The following DGKB variants were observed in gnomAD, a reference collection of about 807,000 sequenced individuals.
The protein encoded by DGKB is 90 kDa diacylglycerol kinase.
Under a neutral mutation model 114.3 loss-of-function variants are expected in DGKB, and 67 were observed. The observed-to-expected ratio is 0.59, with a 90% CI of 0.48 to 0.72. DGKB has a LOEUF of 0.72. Ranked by LOEUF, DGKB falls within the 30% of genes least tolerant of loss-of-function variation. The pLI is 0.00. For synonymous variants in DGKB, 398 were observed against 323.1 expected, an observed-to-expected ratio of 1.23 and a Z score of -2.49; for missense variants, 907 against 975.2, an observed-to-expected ratio of 0.93 and a Z score of 0.93.
At chr7:14,888,744 T>C (rs979797747) in intron 1 of DGKB, among the ~76,000 whole-genome samples, 15 of 151,690 alleles carry the variant, frequency 9.9e-5, no homozygotes. Flanking sequence ...TATCTGAAAA[T>C]TGTCAGGGTA....
chr7:14,880,497 G>A (rs1466231651), intron 1 of DGKB, among the ~76,000 whole-genome samples: 1 of 152,074 alleles, frequency 6.6e-6, no homozygotes, highest in Non-Finnish European at 1.5e-5. Context: ...GTTGCATATT[G>A]TTTCTAGATG....
At chr7:14,338,427 A>G (rs1280986007) in intron 23 of DGKB, 88 bp downstream of exon 23, 2 of 718,394 alleles carry the variant, frequency 2.8e-6, no homozygotes, top group Non-Finnish European at 4.4e-6. Context: ...ATAAATTATT[A>G]TAGTGCAACG....
intron 23 of DGKB, among the ~76,000 whole-genome samples, chr7:14,309,373 T>C (rs1804997963): frequency 6.6e-6 from 1 of 152,068 alleles, no homozygotes; most frequent in Admixed American, 6.6e-5. Flanking sequence ...AATCACTAAT[T>C]AAAAGCAAAA....
intron 9 of DGKB, among the ~76,000 whole-genome samples, chr7:14,690,286 G>T (rs148644574): frequency 6.6e-6 from 1 of 152,068 alleles, no homozygotes; most frequent in Non-Finnish European, 1.5e-5. Context: ...TCGTTTTTCC[G>T]GAGACAGCAA....
chr7:14,255,596 C>G (rs1194589014), intron 23 of DGKB, among the ~76,000 whole-genome samples: 1 of 152,102 alleles, frequency 6.6e-6, no homozygotes, highest in African/African-American at 2.4e-5. Context: ...AAATAATGCC[C>G]TTGCTAAAGA....
chr7:14,324,580 G>C lies in DGKB; in HGVS notation c.2122+13935C>G, dbSNP rs537675816. Among the ~76,000 whole-genome samples the C allele has an allele frequency of 2.0e-4, 31 of 152,046 alleles. No homozygotes were observed. In the East Asian group the frequency reaches 2.7e-3, roughly 13 times the overall value. On this transcript the variant is annotated intron_variant, in intron 23 of 25. Coordinates refer to ENST00000402815, the MANE Select transcript of DGKB (RefSeq NM_001350709.2). ...ATAATTACCTAGGATTGTCCATGAAGAATGAGCAATGTCATTTGCGGTGAT... is the reference window on the plus strand; with the variant it reads ...ATAATTACCTAGGATTGTCCATGAACAATGAGCAATGTCATTTGCGGTGAT...
At chr7:14,173,698 G>T (rs1781336132) in intron 25 of DGKB, among the ~76,000 whole-genome samples, 1 of 152,094 alleles carries the variant, frequency 6.6e-6, no homozygotes, top group Admixed American at 6.6e-5. Flanking sequence ...CCATACCAAT[G>T]CTATGAATAC....
At chr7:14,485,063 G>GA (rs904329915) in intron 20 of DGKB, among the ~76,000 whole-genome samples, 4 of 148,996 alleles carry the variant, frequency 2.7e-5, no homozygotes, top group African/African-American at 9.9e-5. Flanking sequence ...GTCCTATGGG[G>GA]AAAAATGATA....
At position 14,288,095 on chromosome 7, in the gene DGKB, C is replaced by T. The variant is rs577482541; in HGVS notation, c.2122+50420G>A. On this transcript the variant is annotated intron_variant, in intron 23 of 25. Coordinates refer to ENST00000402815, the MANE Select transcript of DGKB (RefSeq NM_001350709.2). The stretch of plus-strand genomic sequence containing the variant: ...ATATTGTTAAAATTAGAACTAGAAG[C>T]AATGGCAAGTAGTATCTTATTGGAG... Among the ~76,000 whole-genome samples, 14 of 151,966 alleles carry T rather than the reference C, an allele frequency of 9.2e-5. No homozygotes were observed. In the East Asian group the frequency reaches 9.7e-4, roughly 10 times the overall value.
At chr7:14,891,029 C>T (rs1781138407) in intron 1 of DGKB, among the ~76,000 whole-genome samples, 1 of 151,258 alleles carries the variant, frequency 6.6e-6, no homozygotes, top group Non-Finnish European at 1.5e-5. Context: ...ATAAGTATTA[C>T]TGTTAAACAT....
rs533278413 is a variant in DGKB, at chr7:14,169,282, G to A, written c.2304+7557C>T. 5.3e-4 allele frequency among the ~76,000 whole-genome samples: 80 copies of A among 150,598 alleles called. 4 individuals carry two copies. In the South Asian group the frequency reaches 0.015, roughly 27 times the overall value. Reference sequence around the variant, plus strand: ...CGGGAGGCTGAGGCAGGAGAATGGCGTGAACCCGGGAGGTGGAGATTGCAG... The same window carrying A: ...CGGGAGGCTGAGGCAGGAGAATGGCATGAACCCGGGAGGTGGAGATTGCAG... On this transcript the variant is annotated intron_variant, in intron 25 of 25. Coordinates refer to ENST00000402815, the MANE Select transcript of DGKB (RefSeq NM_001350709.2).
intron 4 of DGKB, among the ~76,000 whole-genome samples, chr7:14,748,411 G>A (rs186257607): frequency 7.5e-4 from 114 of 152,290 alleles, no homozygotes; most frequent in African/African-American, 2.7e-3. Context: ...AAGATTTAAA[G>A]GTGATGAGGC....
At chr7:14,388,376 G>A (rs879281423) in intron 21 of DGKB, among the ~76,000 whole-genome samples, 1 of 146,762 alleles carries the variant, frequency 6.8e-6, no homozygotes, top group Non-Finnish European at 1.5e-5. Flanking sequence ...ATATATTTAA[G>A]TGTATATACA....
chr7:14,525,483 G>A (rs1233540101), intron 20 of DGKB, among the ~76,000 whole-genome samples: 3 of 152,154 alleles, frequency 2.0e-5, no homozygotes, highest in African/African-American at 4.8e-5. Context: ...TTATCAAGTT[G>A]TCCCCACTAA....
At chr7:14,685,138 A>C in intron 10 of DGKB, 107 bp downstream of exon 10, 1 of 679,012 alleles carries the variant, frequency 1.5e-6, no homozygotes, top group Non-Finnish European at 2.6e-6. Flanking sequence ...ATGTACAGAG[A>C]CAGTCCAGAT....
At chr7:14,469,941 A>G (rs1781030970) in intron 21 of DGKB, among the ~76,000 whole-genome samples, 1 of 151,946 alleles carries the variant, frequency 6.6e-6, no homozygotes, top group South Asian at 2.1e-4. Flanking sequence ...ATACATCTAT[A>G]TATTTACCTA....
intron 13 of DGKB, among the ~76,000 whole-genome samples, chr7:14,645,777 A>G (rs1812857133): frequency 6.6e-6 from 1 of 152,132 alleles, no homozygotes; most frequent in Admixed American, 6.5e-5. Context: ...AAGTTTTCTC[A>G]GACAAGCAAA....
chr7:14,374,389 T>C (rs747667833), intron 21 of DGKB, among the ~76,000 whole-genome samples: 1 of 152,316 alleles, frequency 6.6e-6, no homozygotes, highest in Non-Finnish European at 1.5e-5. Flanking sequence ...TTTGGTTTGA[T>C]AGAGTGCTTT....
At position 14,613,261 on chromosome 7, in the gene DGKB, T is replaced by C. The variant is rs576409209; in HGVS notation, c.1358+79A>G. 2.4e-5 allele frequency: 19 copies of C among 790,048 alleles called. No homozygotes were observed. The African/African-American group carries it at 3.2e-4, about 13-fold the overall frequency. 48.9% of individuals were successfully genotyped at this position (790,048 alleles called of 1,614,324 possible). On this transcript the variant is annotated intron_variant, in intron 16 of 25. Transcript: ENST00000402815. ...ATTAGCAGAGAGGAATAATTGTTTT[T>C]AAGCATTTTTACATCATAGTTTTGT...
Sources: allele counts gnomAD v4.1 joint callset (sites outside exome capture counted in the v4.1 genomes callset), GRCh38; gene constraint gnomAD v4.1.1; transcripts MANE v1.5; gene names NCBI Gene and HGNC (gene_info 2026-07-23, HGNC 2026-07-21).